The following DYNC2H1 variants were observed in gnomAD, a reference collection of about 807,000 sequenced individuals.
The protein encoded by DYNC2H1 is cytoplasmic dynein 2 heavy chain 1.
A neutral mutation model predicts 570.0 loss-of-function variants in DYNC2H1; 410 were observed. That is an observed-to-expected ratio of 0.72 (90% CI 0.66 to 0.78). The LOEUF (loss-of-function observed/expected upper bound fraction) is 0.78, where lower values mean the gene tolerates loss of function less well. Among genes scored for constraint, DYNC2H1 ranks in the 30% least tolerant of loss-of-function variants. The pLI is 0.00. For synonymous variants in DYNC2H1, 1,688 were observed against 1,677.6 expected, an observed-to-expected ratio of 1.01 and a Z score of -0.15; for missense variants, 4,865 against 5,046.4, an observed-to-expected ratio of 0.96 and a Z score of 1.09.
intron 25 of DYNC2H1, 93 bp downstream of exon 25, chr11:103,155,594 C>T (rs1011432874): frequency 6.9e-5 from 86 of 1,249,610 alleles, no homozygotes; most frequent in Admixed American, 1.3e-4. Context: ...AAAAGTCTTC[C>T]TTTAAGGGAA....
chr11:103,121,209 T>C (rs915036161), intron 9 of DYNC2H1, among the ~76,000 whole-genome samples, 163 bp from the exon 10 acceptor site: 5 of 152,232 alleles, frequency 3.3e-5, no homozygotes, highest in African/African-American at 7.2e-5. Context: ...AACAAGTTAT[T>C]ATAATTCGCT....
chr11:103,302,203 G>A (rs1318144597), intron 75 of DYNC2H1, among the ~76,000 whole-genome samples: 1 of 152,012 alleles, frequency 6.6e-6, no homozygotes, highest in African/African-American at 2.4e-5. Context: ...TGGCAGCTGG[G>A]TGCCCTTTGG....
chr11:103,347,763 T>C (rs1245327384), intron 82 of DYNC2H1, among the ~76,000 whole-genome samples: 3 of 152,168 alleles, frequency 2.0e-5, no homozygotes, highest in Non-Finnish European at 4.4e-5. Flanking sequence ...AGCACTTTTC[T>C]CCAAAAAAGT....
intron 78 of DYNC2H1, among the ~76,000 whole-genome samples, chr11:103,308,042 G>T (rs1214104555): frequency 6.6e-6 from 1 of 151,930 alleles, no homozygotes; most frequent in East Asian, 1.9e-4. Context: ...TTTTATTGTG[G>T]TAAGAAACAC....
chr11:103,265,089 T>C (rs1489243366), intron 70 of DYNC2H1, among the ~76,000 whole-genome samples: 1 of 152,148 alleles, frequency 6.6e-6, no homozygotes, highest in Non-Finnish European at 1.5e-5. Context: ...GAAACCATCA[T>C]TCTCAGCAAA....
rs377086701 is a variant in DYNC2H1, at chr11:103,187,370, C to A, written c.6924C>A (p.Leu2308=). Residue 2308 remains leucine, a synonymous_variant, in exon 43 of 89, where the codon CTC becomes CTA. Transcript: ENST00000375735. The part of the protein sequence containing the change: ...GMLLRYAFSQ[L]RSTQIATVHC... ...TGCTCAGGTACGCATTTTCACAACTCCGGTCCACTCAAATTGCTACAGTTC... is the reference window on the plus strand; with the variant it reads ...TGCTCAGGTACGCATTTTCACAACTACGGTCCACTCAAATTGCTACAGTTC... 163 of 1,612,932 alleles carry A rather than the reference C, an allele frequency of 1.0e-4. No individual in the cohort carries two copies. The highest frequency in any genetic ancestry group is 1.2e-4 in the Non-Finnish European group (147 of 1,179,326).
intron 59 of DYNC2H1, 124 bp from the exon 60 acceptor site, chr11:103,231,136 G>T (rs1863990275): frequency 4.1e-6 from 2 of 483,984 alleles, no homozygotes; most frequent in East Asian, 6.7e-5. Flanking sequence ...TCTAAGTAAA[G>T]GTGTTATAAT....
rs1865069244 is a variant in DYNC2H1, at chr11:103,256,676, G to T, written c.10461+436G>T. On this transcript the variant is annotated intron_variant, in intron 68 of 88. Transcript: ENST00000375735. This position sits in a 1 kb window ranked among gnomAD's most constrained non-coding sequence, Gnocchi z 4.0. ...TTCATGCTTATAATGAACAGTGCTG[G>T]GTACTTTATTATCCTAATGTGGACA... Among the ~76,000 whole-genome samples the T allele has an allele frequency of 1.3e-5, 2 of 152,024 alleles. No individual in the cohort carries two copies. Among genetic ancestry groups the T allele is most frequent in the South Asian group, 4.1e-4 (2 of 4,820 alleles).
chr11:103,316,406 G>C (rs915864816), intron 79 of DYNC2H1, 139 bp from the exon 80 acceptor site: 2 of 547,184 alleles, frequency 3.7e-6, no homozygotes, highest in Admixed American at 4.0e-5. Flanking sequence ...GATTTATTAT[G>C]TGTTGGTTTT....
At chr11:103,255,989 C>A in intron 67 of DYNC2H1, 117 bp from the exon 68 acceptor site, 3 of 889,844 alleles carry the variant, frequency 3.4e-6, no homozygotes, top group Non-Finnish European at 4.8e-6. Context: ...TGTTGAAATT[C>A]TTCTAAAATA....
At chr11:103,341,962 G>A (rs1233776994) in intron 82 of DYNC2H1, among the ~76,000 whole-genome samples, 4 of 152,088 alleles carry the variant, frequency 2.6e-5, no homozygotes, top group Non-Finnish European at 4.4e-5. Flanking sequence ...GCAACATAGT[G>A]AGACCCCTTC....
At chr11:103,287,774 G>A in intron 75 of DYNC2H1, 169 bp downstream of exon 75, 1 of 617,600 alleles carries the variant, frequency 1.6e-6, no homozygotes, top group Non-Finnish European at 2.6e-6. Flanking sequence ...ATTCTCGGCT[G>A]GGCATGGTGG....
At chr11:103,260,150 G>A (rs1198372129) in intron 70 of DYNC2H1, among the ~76,000 whole-genome samples, 173 bp downstream of exon 70, 1 of 149,276 alleles carries the variant, frequency 6.7e-6, no homozygotes, top group Non-Finnish European at 1.5e-5. Flanking sequence ...GGTTGTAGTG[G>A]GGAAAAAAGT....
intron 17 of DYNC2H1, among the ~76,000 whole-genome samples, chr11:103,136,489 T>C (rs1170095827): frequency 6.6e-6 from 1 of 151,928 alleles, no homozygotes; most frequent in East Asian, 1.9e-4. Flanking sequence ...GGTTTTTTGT[T>C]CTTGCGATAG....
intron 84 of DYNC2H1, among the ~76,000 whole-genome samples, chr11:103,423,728 A>C (rs1200709504): frequency 2.6e-5 from 4 of 151,918 alleles, no homozygotes; most frequent in African/African-American, 9.7e-5. Context: ...TTTTCAAAAA[A>C]CTCAATAAAC....
intron 57 of DYNC2H1, 74 bp from the exon 58 acceptor site, chr11:103,221,956 T>C (rs1863604385): frequency 7.2e-6 from 11 of 1,526,798 alleles, no homozygotes; most frequent in African/African-American, 5.5e-5. Flanking sequence ...ATACACCATT[T>C]TGTTAAACTG....
intron 48 of DYNC2H1, among the ~76,000 whole-genome samples, chr11:103,198,739 C>T (rs370497592): frequency 3.3e-5 from 5 of 152,188 alleles, no homozygotes; most frequent in Admixed American, 1.3e-4. Context: ...TCCTTTCTCC[C>T]TTCCTGCACT....
intron 70 of DYNC2H1, among the ~76,000 whole-genome samples, chr11:103,266,513 G>A (rs1313869935): frequency 6.6e-6 from 1 of 152,104 alleles, no homozygotes; most frequent in Admixed American, 6.5e-5. Context: ...GCGGGGGTGG[G>A]GCCAGCTGGT....
At chr11:103,262,861 T>C (rs1865357442) in intron 70 of DYNC2H1, among the ~76,000 whole-genome samples, 1 of 151,944 alleles carries the variant, frequency 6.6e-6, no homozygotes, top group African/African-American at 2.4e-5. Flanking sequence ...TAACCTTAAA[T>C]GTAAATGGAG....
Sources: gnomAD v4.1 joint callset for allele counts (sites outside exome capture counted in the v4.1 genomes callset) on GRCh38, gnomAD v4.1.1 for gene constraint, Gnocchi (gnomAD v3.1) non-coding constraint, MANE v1.5 for transcripts, NCBI Gene and HGNC (gene_info 2026-07-23, HGNC 2026-07-21) for gene names.